TTLL13: variants seen among roughly 807,000 people sequenced by gnomAD.
TTLL13 encodes the protein tubulin polyglutamylase TTLL13.
chr15:90,256,239 G>A, the TTLL13 span: 24 of 1,614,144 alleles, frequency 1.5e-5, no homozygotes, highest in Non-Finnish European at 1.9e-5. Flanking sequence ...TTCATTACCC[G>A]AAATCCCCGG....
chr15:90,253,230 G>A, the TTLL13 span: 3 of 1,605,844 alleles, frequency 1.9e-6, no homozygotes, highest in Admixed American at 3.3e-5. Flanking sequence ...TGGCACTACT[G>A]ATCTCCCTGT....
At chr15:90,256,520 C>G in the TTLL13 span, among the ~76,000 whole-genome samples, 6 of 152,296 alleles carry the variant, frequency 3.9e-5, no homozygotes, top group East Asian at 1.2e-3. Flanking sequence ...TTCTTACCCT[C>G]TCTCTGTGCC....
chr15:90,256,543 CTTTTTCTTTCTT>C, the TTLL13 span, among the ~76,000 whole-genome samples: 94 of 141,206 alleles, frequency 6.7e-4, 1 homozygote, highest in African/African-American at 2.4e-3. Flanking sequence ...TGTCTCCTTC[CTTTTTCTTTCTT>C]TCTTTCTTTC....
At chr15:90,258,147 G>C in the TTLL13 span, 1 of 1,614,236 alleles carries the variant, frequency 6.2e-7, no homozygotes, top group Non-Finnish European at 8.5e-7. Context: ...AGCCCATTCT[G>C]TTCTACGCCA....
the TTLL13 span, chr15:90,257,891 C>T: frequency 4.3e-6 from 4 of 937,296 alleles, no homozygotes; most frequent in Non-Finnish European, 6.5e-6. Flanking sequence ...CCCCAAACCT[C>T]ACCCTGATAA....
chr15:90,256,571 TTC>T, the TTLL13 span, among the ~76,000 whole-genome samples: 14 of 30,260 alleles, frequency 4.6e-4, no homozygotes, highest in Middle Eastern at 0.027. Flanking sequence ...CTTTCTTTCT[TTC>T]TTTCTTTCTT....
chr15:90,258,765 C>T, the TTLL13 span: 41 of 1,614,050 alleles, frequency 2.5e-5, no homozygotes, highest in Non-Finnish European at 3.5e-5. Context: ...CCAAGCTTTA[C>T]CACGGACTCA....
At chr15:90,263,789 G>A in the TTLL13 span, 1 of 705,210 alleles carries the variant, frequency 1.4e-6, no homozygotes, top group Admixed American at 2.0e-5. Context: ...AAATCTATGA[G>A]TCTGGTCCTA....
chr15:90,260,239 T>C, the TTLL13 span, among the ~76,000 whole-genome samples: 1 of 152,228 alleles, frequency 6.6e-6, no homozygotes, highest in Non-Finnish European at 1.5e-5. Flanking sequence ...GGCTCACACC[T>C]GTAATCCCAG....
At chr15:90,255,952 G>A in the TTLL13 span, 4 of 1,609,060 alleles carry the variant, frequency 2.5e-6, no homozygotes, top group East Asian at 8.9e-5. Flanking sequence ...CAGAGCTCTG[G>A]TCTTGTGACC....
At chr15:90,260,830 G>A in the TTLL13 span, among the ~76,000 whole-genome samples, 337 of 142,938 alleles carry the variant, frequency 2.4e-3, 1 homozygote, top group Admixed American at 5.3e-3. Flanking sequence ...CAGCCTGGGC[G>A]ATAGAGCAGG....
At chr15:90,251,114 CTTT>C in the TTLL13 span, among the ~76,000 whole-genome samples, 5 of 104,638 alleles carry the variant, frequency 4.8e-5, no homozygotes, top group Admixed American at 1.2e-4. Flanking sequence ...CCTGGTCTGT[CTTT>C]TTTTTTTTTT....
chr15:90,263,787 G>C, the TTLL13 span: 5 of 703,870 alleles, frequency 7.1e-6, no homozygotes, highest in Admixed American at 1.0e-4. Context: ...TGAAATCTAT[G>C]AGTCTGGTCC....
At chr15:90,250,755 A>T in the TTLL13 span, 6 of 1,614,198 alleles carry the variant, frequency 3.7e-6, no homozygotes, top group Non-Finnish European at 5.1e-6. Flanking sequence ...GCTCTCTTAA[A>T]AGCTGACTAT....
At chr15:90,254,165 C>T in the TTLL13 span, among the ~76,000 whole-genome samples, 1 of 149,086 alleles carries the variant, frequency 6.7e-6, no homozygotes, top group Non-Finnish European at 1.5e-5. Context: ...TACACTCCAG[C>T]CTGTGTGACA....
At chr15:90,263,163 G>A in the TTLL13 span, 1 of 1,512,146 alleles carries the variant, frequency 6.6e-7, no homozygotes, top group Non-Finnish European at 8.8e-7. Flanking sequence ...TCCCTGTGAA[G>A]TCTCCCAGAG....
chr15:90,262,038 T>G, the TTLL13 span: 2 of 1,535,742 alleles, frequency 1.3e-6, no homozygotes, highest in Non-Finnish European at 1.7e-6. Flanking sequence ...CATGTGGCAA[T>G]GCTGGACCAG....
At chr15:90,257,834 C>G in the TTLL13 span, 2 of 1,109,236 alleles carry the variant, frequency 1.8e-6, no homozygotes, top group Admixed American at 4.0e-5. Flanking sequence ...GAAACTCAGC[C>G]TTTATAGACC....
the TTLL13 span, chr15:90,263,920 C>T: frequency 1.5e-5 from 22 of 1,439,380 alleles, no homozygotes; most frequent in Non-Finnish European, 2.1e-5. Flanking sequence ...TGCTGCAATC[C>T]CACATGTTCC....
Sources: gnomAD v4.1 joint callset for allele counts (sites outside exome capture counted in the v4.1 genomes callset) on GRCh38, gnomAD v4.1.1 for gene constraint, MANE v1.5 for transcripts, NCBI Gene and HGNC (gene_info 2026-07-23, HGNC 2026-07-21) for gene names.